CNNM2: variants seen among roughly 807,000 people sequenced by gnomAD.
CNNM2 encodes the protein cyclin and CBS domain divalent metal cation transport mediator 2.
A neutral mutation model predicts 66.9 loss-of-function variants in CNNM2; 12 were observed. The observed-to-expected ratio is 0.18, with a 90% CI of 0.11 to 0.29. The LOEUF is 0.29. Among genes scored for constraint, CNNM2 ranks in the 10% least tolerant of loss-of-function variants. The probability of loss-of-function intolerance (pLI) is 1.00; values close to 1 mark genes in which losing one functional copy is unlikely to be tolerated. For synonymous variants in CNNM2, 557 were observed against 501.8 expected, an observed-to-expected ratio of 1.11 and a Z score of -1.47; for missense variants, 705 against 1,167.7, an observed-to-expected ratio of 0.60 and a Z score of 5.77.
rs1304738739 is a variant in CNNM2 at position 103,024,146 on chromosome 10, ATAT to A, written c.1622-25557_1622-25555del. 5.3e-5 allele frequency among the ~76,000 whole-genome samples: 8 copies of A among 152,252 alleles called. No individual in the cohort carries two copies. The East Asian group carries it at 1.5e-3, about 29-fold the overall frequency. On this transcript the variant is annotated intron_variant, in intron 1 of 7. Transcript: ENST00000369878. ...ATCAAGATTTTTGCATTGCATTGTG[ATAT>A]TATGCTTTTTTTGGTGTCTTTAAGC...
intron 1 of CNNM2, among the ~76,000 whole-genome samples, chr10:102,986,607 C>T (rs2063801521): frequency 6.9e-6 from 1 of 144,582 alleles, no homozygotes. Flanking sequence ...ACGATGAAAC[C>T]ATGTCTCTAC....
chr10:102,950,981 CTTTTTT>C (rs34870588), intron 1 of CNNM2, among the ~76,000 whole-genome samples: 1 of 80,458 alleles, frequency 1.2e-5, no homozygotes, highest in African/African-American at 5.0e-5. Context: ...CTTTCTTTCT[CTTTTTT>C]TTTTTTTTTT....
At chr10:102,971,203 T>C (rs2063541651) in intron 1 of CNNM2, among the ~76,000 whole-genome samples, 1 of 149,860 alleles carries the variant, frequency 6.7e-6, no homozygotes, top group South Asian at 2.1e-4. Context: ...CCCCATCCTT[T>C]TTTTTTTTCT....
At chr10:103,069,466 G>A (rs955073375) in intron 5 of CNNM2, among the ~76,000 whole-genome samples, 1 of 152,174 alleles carries the variant, frequency 6.6e-6, no homozygotes, top group Non-Finnish European at 1.5e-5. Flanking sequence ...TCTGTTAAAT[G>A]TTAGCAGTTT....
intron 1 of CNNM2, among the ~76,000 whole-genome samples, chr10:102,945,531 C>G (rs1846586679): frequency 6.6e-6 from 1 of 152,160 alleles, no homozygotes; most frequent in Non-Finnish European, 1.5e-5. Context: ...TCAGCCTCCT[C>G]TCCTGCTCCC....
At position 103,086,964 on chromosome 10, in the gene CNNM2, C is replaced by CTAGT. The variant is rs2065822046; in HGVS notation, c.*9785_*9786insAGTT. Reference sequence around the variant, plus strand: ...CTGGGTCTGCTGTACCACTGACCAACTGCTGGGGAGGCTAGGGGACCTGTC... The same window carrying CTAGT: ...CTGGGTCTGCTGTACCACTGACCAACTAGTTGCTGGGGAGGCTAGGGGACCTGTC... On this transcript the variant is annotated 3_prime_UTR_variant, in exon 8 of 8. Transcript: ENST00000369878. 6.6e-6 allele frequency: 1 copy of CTAGT among 152,136 alleles called. No individual in the cohort carries two copies. Among genetic ancestry groups the CTAGT allele is most frequent in the Non-Finnish European group, 1.5e-5 (1 of 68,048 alleles). 9.4% of individuals were successfully genotyped at this position (152,136 alleles called of 1,614,324 possible).
chr10:102,978,130 C>T (rs1257039869), intron 1 of CNNM2, among the ~76,000 whole-genome samples: 1 of 151,788 alleles, frequency 6.6e-6, no homozygotes, highest in East Asian at 2.0e-4. Context: ...AGGCTGGTCT[C>T]AAACTCCTGA....
intron 1 of CNNM2, among the ~76,000 whole-genome samples, chr10:103,020,442 A>T (rs568298258): frequency 6.6e-6 from 1 of 152,020 alleles, no homozygotes; most frequent in Non-Finnish European, 1.5e-5. Context: ...AGGCATGAGC[A>T]CTTTTGAATT....
At position 103,082,242 on chromosome 10, in the gene CNNM2, A is replaced by G. The variant is rs2134378752; in HGVS notation, c.*5062A>G. 1 of 152,342 alleles carries G rather than the reference A, an allele frequency of 6.6e-6. No individual in the cohort carries two copies. Among genetic ancestry groups the G allele is most frequent in the South Asian group, 2.1e-4 (1 of 4,824 alleles). The allele number at this position is 152,342 out of a possible 1,614,324, so 9.4% of individuals were successfully genotyped here. On this transcript the variant is annotated 3_prime_UTR_variant, in exon 8 of 8. Transcript: ENST00000369878. ...GGACGCCTTCCGGCATCTGATCCACATGGATTCACTTTTAGGATGCAGTTC... is the reference window on the plus strand; with the variant it reads ...GGACGCCTTCCGGCATCTGATCCACGTGGATTCACTTTTAGGATGCAGTTC...
intron 1 of CNNM2, among the ~76,000 whole-genome samples, chr10:103,007,098 G>A (rs758824590): frequency 6.6e-5 from 10 of 152,190 alleles, no homozygotes; most frequent in Non-Finnish European, 1.5e-4. Flanking sequence ...CTGGGCCTCT[G>A]GAGGTGACAT....
At chr10:103,072,554 CTT>C (rs1389211936) in intron 6 of CNNM2, among the ~76,000 whole-genome samples, 1 of 152,232 alleles carries the variant, frequency 6.6e-6, no homozygotes, top group Non-Finnish European at 1.5e-5. Flanking sequence ...TGCCACCTGA[CTT>C]TGTTTTGGAG....
At position 103,009,674 on chromosome 10, in the gene CNNM2, C is replaced by CAA. The variant is rs36096913; in HGVS notation, c.1622-40010_1622-40009dup. On this transcript the variant is annotated intron_variant, in intron 1 of 7. Transcript: ENST00000369878. ...ACCACTACATTCTAGCCTGAGTCTCCAAAAAAAAAAAAAAAAAAAAAAAAG... is the reference window on the plus strand; with the variant it reads ...ACCACTACATTCTAGCCTGAGTCTCCAAAAAAAAAAAAAAAAAAAAAAAAAAG... 2.9e-3 allele frequency among the ~76,000 whole-genome samples: 172 copies of CAA among 58,522 alleles called. 2 individuals carry two copies. Among genetic ancestry groups the CAA allele is most frequent in the East Asian group, 6.9e-3 (14 of 2,022 alleles). The allele number at this position is 58,522 out of a possible 152,430, so 38.4% of individuals were successfully genotyped here.
chr10:103,037,452 A>T (rs775867032), intron 1 of CNNM2, among the ~76,000 whole-genome samples: 89 of 151,934 alleles, frequency 5.9e-4, no homozygotes, highest in Non-Finnish European at 9.0e-4. Context: ...TGAGTGGAAG[A>T]AAGCATACGA....
intron 1 of CNNM2, among the ~76,000 whole-genome samples, chr10:102,996,359 G>T (rs2064004382): frequency 6.6e-6 from 1 of 151,410 alleles, no homozygotes; most frequent in Non-Finnish European, 1.5e-5. Flanking sequence ...TATTATCAAG[G>T]CCTTTTCTTC....
Position 103,086,195 on chromosome 10 carries a change from CA to C in CNNM2, c.*9019del, listed in dbSNP as rs2134383045. 6.6e-6 allele frequency: 1 copy of C among 152,248 alleles called. No homozygotes were observed. Among genetic ancestry groups the C allele is most frequent in the East Asian group, 1.9e-4 (1 of 5,184 alleles). 9.4% of individuals were successfully genotyped at this position (152,248 alleles called of 1,614,324 possible). ...TAGAGATTTCACTCTCAGGGCCTCC[CA>C]AAAGTTGTGTATCATTTGAAATTGT... On this transcript the variant is annotated 3_prime_UTR_variant, in exon 8 of 8. Coordinates refer to ENST00000369878, the MANE Select transcript of CNNM2 (RefSeq NM_017649.5).
chr10:103,071,047 G>A (rs2065571119), intron 5 of CNNM2, among the ~76,000 whole-genome samples: 1 of 152,214 alleles, frequency 6.6e-6, no homozygotes, highest in African/African-American at 2.4e-5. Context: ...GAGAGGCACA[G>A]TTAGTACAGA....
In CNNM2 at chr10:103,081,813, CGAA is replaced by C. The variant is rs1391041920; in HGVS notation, c.*4639_*4641del. 6.6e-6 allele frequency: 1 copy of C among 152,180 alleles called. No individual in the cohort carries two copies. Among genetic ancestry groups the C allele is most frequent in the Non-Finnish European group, 1.5e-5 (1 of 68,044 alleles). 9.4% of individuals were successfully genotyped at this position (152,180 alleles called of 1,614,324 possible). ...GAGTCCCTGGTCAACCCTACGGATG[CGAA>C]GAAGAGATGGCAGTTCACAGCAACT... is the stretch of plus-strand genomic sequence containing the variant. On this transcript the variant is annotated 3_prime_UTR_variant, in exon 8 of 8. Coordinates refer to ENST00000369878, the MANE Select transcript of CNNM2 (RefSeq NM_017649.5).
chr10:103,025,166 G>A (rs1238531922), intron 1 of CNNM2, among the ~76,000 whole-genome samples: 4 of 151,898 alleles, frequency 2.6e-5, no homozygotes, highest in Non-Finnish European at 4.4e-5. Context: ...ATCTCCGCTC[G>A]CGGCAACCTC....
chr10:103,076,118 T>G lies in CNNM2; in HGVS notation c.2266T>G (p.Leu756Val). The change falls in exon 7 of 8, where the codon TTG (leucine) becomes GTG (valine). Residue 756 changes from leucine (L) to valine (V), a missense_variant. Around this residue, in one of 9 missense-constraint regions of CNNM2, gnomAD observed 194 missense variants for 227.6 expected, o/e 0.85. Coordinates refer to ENST00000369878, the MANE Select transcript of CNNM2 (RefSeq NM_017649.5). Reference protein sequence around the residue: ...ENKSPPRPCGLNHSDSLSRSD... With the variant: ...ENKSPPRPCGVNHSDSLSRSD... ...TAAGTCCCCTCCTCGCCCATGTGGC[T>G]TGAATCACTCAGACTCTCTCAGTCG... 1 of 1,612,294 alleles carries G rather than the reference T, an allele frequency of 6.2e-7. No individual in the cohort carries two copies. The highest frequency in any genetic ancestry group is 8.5e-7 in the Non-Finnish European group (1 of 1,179,266).
Sources: allele counts gnomAD v4.1 joint callset (sites outside exome capture counted in the v4.1 genomes callset), GRCh38; gene constraint gnomAD v4.1.1; regional missense constraint gnomAD v4.1.1; transcripts MANE v1.5; gene names NCBI Gene and HGNC (gene_info 2026-07-23, HGNC 2026-07-21).